The following MACROD2 variants were observed in gnomAD, a reference collection of about 807,000 sequenced individuals.
The protein encoded by MACROD2 is mono-ADP ribosylhydrolase 2, also known as ADP-ribose glycohydrolase MACROD2.
MACROD2 carries 36 observed loss-of-function variants against 70.4 expected under a neutral mutation model. The observed-to-expected ratio is 0.51, with a 90% confidence interval of 0.39 to 0.68. The LOEUF (loss-of-function observed/expected upper bound fraction) is 0.68. Among genes scored for constraint, MACROD2 ranks in the 30% least tolerant of loss-of-function variants. The pLI is 0.00. For missense variants in MACROD2, 496 were observed against 538.4 expected (o/e 0.92, Z 0.78); for synonymous variants, 172 against 178.8 (o/e 0.96, Z 0.30).
At chr20:15,993,856 T>A (rs745869239) in intron 15 of MACROD2, among the ~76,000 whole-genome samples, 61 of 152,194 alleles carry the variant, frequency 4.0e-4, no homozygotes, top group Non-Finnish European at 8.8e-4. Context: ...TTCTACATGT[T>A]ACCTTCTACC....
At chr20:15,464,925 G>A (rs774865996) in intron 7 of MACROD2, among the ~76,000 whole-genome samples, 17 of 152,086 alleles carry the variant, frequency 1.1e-4, no homozygotes, top group Non-Finnish European at 2.2e-4. Flanking sequence ...ATAAACACTG[G>A]GTAGGACTGA....
At chr20:14,388,530 C>T (rs1361547843) in intron 3 of MACROD2, among the ~76,000 whole-genome samples, 1 of 152,060 alleles carries the variant, frequency 6.6e-6, no homozygotes, top group Non-Finnish European at 1.5e-5. Flanking sequence ...TATACTGTAT[C>T]GTTGCAATAA....
Position 14,965,819 on chromosome 20 carries a change from A to C in MACROD2, c.419-264121A>C, listed in dbSNP as rs995507085. On this transcript the variant is annotated intron_variant, in intron 5 of 17. Coordinates refer to ENST00000684519, the MANE Select transcript of MACROD2 (RefSeq NM_001351661.2). The stretch of plus-strand genomic sequence containing the variant: ...ATAGAGGTGATAAATTTTATCCAGT[A>C]TAAAACAGTGCATTTTAAAAATCTC... 2.0e-5 allele frequency among the ~76,000 whole-genome samples: 3 copies of C among 152,110 alleles called. No individual in the cohort carries two copies. The East Asian group carries it at 5.8e-4, about 29-fold the overall frequency.
chr20:14,301,417 A>G (rs1022019631), intron 3 of MACROD2, among the ~76,000 whole-genome samples: 10 of 152,232 alleles, frequency 6.6e-5, no homozygotes, highest in Admixed American at 2.6e-4. Flanking sequence ...AGACATTTAT[A>G]GTTTGGTCGC....
chr20:14,479,807 A>G (rs1401653273), intron 3 of MACROD2, among the ~76,000 whole-genome samples: 1 of 152,152 alleles, frequency 6.6e-6, no homozygotes, highest in African/African-American at 2.4e-5. Flanking sequence ...CAACATCATG[A>G]TTCTGATGTT....
At chr20:15,198,645 G>T (rs2076627830) in intron 5 of MACROD2, among the ~76,000 whole-genome samples, 1 of 152,054 alleles carries the variant, frequency 6.6e-6, no homozygotes, top group South Asian at 2.1e-4. Flanking sequence ...ATTCCTTTGG[G>T]TTAATGGACT....
intron 5 of MACROD2, among the ~76,000 whole-genome samples, chr20:15,209,932 T>G (rs1340774203): frequency 6.6e-6 from 1 of 152,222 alleles, no homozygotes; most frequent in Non-Finnish European, 1.5e-5. Flanking sequence ...CCATAGAGTT[T>G]ATTTGTAAAA....
rs149042547 is a variant in MACROD2, at chr20:15,937,432, C to T, written c.839-44C>T. On this transcript the variant is annotated intron_variant, in intron 11 of 17. Coordinates refer to ENST00000684519, the MANE Select transcript of MACROD2 (RefSeq NM_001351661.2). Reference sequence around the variant, plus strand: ...GGCAGGAAAGCCACAGCTGGACTTCCGGAAGGATGAACTCTGAGGCAGTGT... The same window carrying T: ...GGCAGGAAAGCCACAGCTGGACTTCTGGAAGGATGAACTCTGAGGCAGTGT... The T allele has an allele frequency of 1.6e-4, 262 of 1,596,334 alleles. 1 individual carries two copies. In the East Asian group the frequency reaches 4.3e-3, roughly 26 times the overall value.
At chr20:14,983,658 TC>T (rs2074822446) in intron 5 of MACROD2, among the ~76,000 whole-genome samples, 1 of 152,138 alleles carries the variant, frequency 6.6e-6, no homozygotes, top group South Asian at 2.1e-4. Flanking sequence ...TTGTGAGGCC[TC>T]CCCACCAACA....
In MACROD2 at chr20:14,422,980, A is replaced by G. The variant is rs76167305; in HGVS notation, c.272-70499A>G. On this transcript the variant is annotated intron_variant, in intron 3 of 17. Transcript: ENST00000684519. ...GTAAAAAACAGCCTTAGCTTTTATCAGCCCCGCCCACACTTTTACTGCCTG... is the reference window on the plus strand; with the variant it reads ...GTAAAAAACAGCCTTAGCTTTTATCGGCCCCGCCCACACTTTTACTGCCTG... Among the ~76,000 whole-genome samples the G allele has an allele frequency of 2.2e-4, 34 of 152,308 alleles. No homozygotes were observed. In the East Asian group the frequency reaches 6.0e-3, roughly 27 times the overall value.
chr20:15,411,651 T>G (rs2046080632), intron 6 of MACROD2, among the ~76,000 whole-genome samples: 1 of 152,272 alleles, frequency 6.6e-6, no homozygotes, highest in Non-Finnish European at 1.5e-5. Flanking sequence ...ATTTAGCTAG[T>G]ACATAATGCT....
intron 5 of MACROD2, among the ~76,000 whole-genome samples, chr20:14,906,247 A>G (rs990721388): frequency 2.0e-5 from 3 of 152,198 alleles, no homozygotes; most frequent in African/African-American, 7.2e-5. Context: ...TAATCCTAGC[A>G]CTTTGGGAGG....
At chr20:15,054,602 TAAA>T (rs993663552) in intron 5 of MACROD2, among the ~76,000 whole-genome samples, 2 of 152,136 alleles carry the variant, frequency 1.3e-5, no homozygotes, top group African/African-American at 4.8e-5. Flanking sequence ...TACTAGGGAA[TAAA>T]AAAATGTGTG....
chr20:15,771,485 A>C (rs1410143234), intron 8 of MACROD2, among the ~76,000 whole-genome samples: 5 of 151,724 alleles, frequency 3.3e-5, no homozygotes, highest in Admixed American at 2.6e-4. Flanking sequence ...GCCCTGCCAG[A>C]TGTTTGATTT....
chr20:15,189,734 A>T (rs181019626), intron 5 of MACROD2, among the ~76,000 whole-genome samples: 90 of 152,226 alleles, frequency 5.9e-4, no homozygotes, highest in Middle Eastern at 3.4e-3. Flanking sequence ...TTATATCTTG[A>T]GGAGAAAATA....
intron 8 of MACROD2, among the ~76,000 whole-genome samples, chr20:15,567,472 G>A (rs200068773): frequency 2.6e-5 from 4 of 152,164 alleles, no homozygotes; most frequent in Admixed American, 6.5e-5. Flanking sequence ...TAGAGAATGC[G>A]AATACCTCCC....
intron 3 of MACROD2, among the ~76,000 whole-genome samples, chr20:14,399,926 C>A (rs2083619908): frequency 1.3e-5 from 2 of 152,014 alleles, no homozygotes; most frequent in Non-Finnish European, 2.9e-5. Context: ...TTTTAAAAAT[C>A]TTTCCTGTTT....
At chr20:14,691,703 C>G (rs1352017370) in intron 5 of MACROD2, among the ~76,000 whole-genome samples, 2 of 152,170 alleles carry the variant, frequency 1.3e-5, no homozygotes, top group Non-Finnish European at 2.9e-5. Context: ...ATCGTGGACT[C>G]TCCCAGCAGG....
rs138369094 is a variant in MACROD2 at position 15,719,266 on chromosome 20, C to T, written c.646-143479C>T. 1.1e-3 allele frequency among the ~76,000 whole-genome samples: 172 copies of T among 152,308 alleles called. 1 individual carries two copies. The highest frequency in any genetic ancestry group is 1.7e-3 in the Admixed American group (26 of 15,296). ...TCTGTTAAAAGGGATTTTGAACAAGCTTTGAGGCAGAGACTCCTGCAGAAG... is the reference window on the plus strand; with the variant it reads ...TCTGTTAAAAGGGATTTTGAACAAGTTTTGAGGCAGAGACTCCTGCAGAAG... On this transcript the variant is annotated intron_variant, in intron 8 of 17. Transcript: ENST00000684519.
Sources: allele counts gnomAD v4.1 joint callset (sites outside exome capture counted in the v4.1 genomes callset), GRCh38; gene constraint gnomAD v4.1.1; transcripts MANE v1.5; gene names NCBI Gene and HGNC (gene_info 2026-07-23, HGNC 2026-07-21).